ESR1: variants seen among roughly 807,000 people sequenced by gnomAD.
The protein encoded by ESR1 is estrogen receptor.
Under a neutral mutation model 52.7 loss-of-function variants are expected in ESR1, and 12 were observed. That is an observed-to-expected ratio of 0.23 (90% CI 0.15 to 0.37). ESR1 has a LOEUF of 0.37. Among genes scored for constraint, ESR1 ranks in the 10% least tolerant of loss-of-function variants. The probability of loss-of-function intolerance (pLI) is 1.00; values close to 1 mark genes in which losing one functional copy is unlikely to be tolerated. For synonymous variants in ESR1, 305 were observed against 316.8 expected (o/e 0.96, Z 0.39); for missense variants, 584 against 779.7 (o/e 0.75, Z 2.99).
rs541443533 is a variant in ESR1 at position 151,707,800 on chromosome 6, C to T, written c.-71+5795C>T. 3.3e-5 allele frequency among the ~76,000 whole-genome samples: 5 copies of T among 152,094 alleles called. No homozygotes were observed. The South Asian group carries it at 1.0e-3, about 32-fold the overall frequency. Reference sequence around the variant, plus strand: ...TCCAAGCAAAAATTTTTCAAAATCCCATCTAGAAATCAAATCATGATTTTA... The same window carrying T: ...TCCAAGCAAAAATTTTTCAAAATCCTATCTAGAAATCAAATCATGATTTTA... On this transcript the variant is annotated intron_variant, in intron 2 of 2. Coordinates refer to the ESR1 transcript ENST00000404742.
intron 4 of ESR1, among the ~76,000 whole-genome samples, chr6:152,010,878 C>T (rs550631857): frequency 2.0e-5 from 3 of 150,342 alleles, no homozygotes; most frequent in East Asian, 4.1e-4. Flanking sequence ...TTCTCCTCCT[C>T]CTTCTCCTTC....
At chr6:152,042,244 T>C (rs1308005252) in intron 5 of ESR1, among the ~76,000 whole-genome samples, 1 of 152,172 alleles carries the variant, frequency 6.6e-6, no homozygotes, top group Non-Finnish European at 1.5e-5. Flanking sequence ...CTGCTAAATA[T>C]GTCTATGCCA....
intron 6 of ESR1, among the ~76,000 whole-genome samples, chr6:152,124,408 A>T (rs1027946365): frequency 3.9e-5 from 6 of 152,234 alleles, no homozygotes; most frequent in African/African-American, 1.4e-4. Flanking sequence ...TCACTGGTTT[A>T]AATTGGAAGC....
intron 5 of ESR1, among the ~76,000 whole-genome samples, chr6:152,018,646 G>A (rs774385011): frequency 8.5e-5 from 13 of 152,048 alleles, no homozygotes; most frequent in Admixed American, 3.9e-4. Context: ...GATCCTTTCA[G>A]CAAAGTCAGT....
At chr6:151,830,143 T>C (rs1345442309) in intron 1 of ESR1, among the ~76,000 whole-genome samples, 1 of 152,228 alleles carries the variant, frequency 6.6e-6, no homozygotes, top group African/African-American at 2.4e-5. Context: ...TGGAGTTCTG[T>C]ACTTTTGTGT....
chr6:152,003,340 A>ATGTGTGTGTGTGTGTGTG, intron 4 of ESR1, among the ~76,000 whole-genome samples: 1 of 145,644 alleles, frequency 6.9e-6, no homozygotes, highest in East Asian at 2.0e-4. Flanking sequence ...AAGGGTAATT[A>ATGTGTGTGTGTGTGTGTG]TGTGTGTGTG....
At chr6:151,908,305 G>T (rs1320259423) in intron 3 of ESR1, among the ~76,000 whole-genome samples, 2 of 151,950 alleles carry the variant, frequency 1.3e-5, no homozygotes, top group Admixed American at 1.3e-4. Context: ...TTTAATACCT[G>T]TGTGTATTAT....
intron 1 of ESR1, among the ~76,000 whole-genome samples, chr6:151,681,011 C>T (rs1039610482): frequency 6.6e-6 from 1 of 152,150 alleles, no homozygotes; most frequent in African/African-American, 2.4e-5. Context: ...TGCTGCTTGG[C>T]CTCCTTACCT....
At chr6:151,819,228 G>C (rs566686809) in intron 1 of ESR1, among the ~76,000 whole-genome samples, 4 of 152,066 alleles carry the variant, frequency 2.6e-5, no homozygotes, top group African/African-American at 7.2e-5. Context: ...ACCTTTTCCC[G>C]GTACCTTTAC....
At chr6:152,086,553 T>G (rs2049738754) in intron 6 of ESR1, among the ~76,000 whole-genome samples, 1 of 151,290 alleles carries the variant, frequency 6.6e-6, no homozygotes, top group Admixed American at 6.6e-5. Context: ...TCAAGTCAAC[T>G]GAACCAGTTC....
chr6:151,740,285 A>ATTTTTTTTTTTTTT (rs386408967), intron 2 of ESR1, among the ~76,000 whole-genome samples: 7 of 108,008 alleles, frequency 6.5e-5, no homozygotes, highest in African/African-American at 1.4e-4. Flanking sequence ...TGCCTGGCTA[A>ATTTTTTTTTTTTTT]TTTTTTTTTT....
chr6:151,703,665 T>C (rs963299240), intron 2 of ESR1, among the ~76,000 whole-genome samples: 2 of 152,156 alleles, frequency 1.3e-5, no homozygotes, highest in African/African-American at 4.8e-5. Flanking sequence ...GATTTTAATA[T>C]AGAAACGAGT....
In ESR1 at chr6:151,808,466, G is replaced by T. The variant is rs1015467559; in HGVS notation, c.452+102G>T. On this transcript the variant is annotated intron_variant, in intron 1 of 7. Coordinates refer to ENST00000206249, the MANE Select transcript of ESR1 (RefSeq NM_000125.4). The stretch of plus-strand genomic sequence containing the variant: ...GAGCCTAGGGAGCTGCGGGAGCCGC[G>T]GGACGCGCGACCCGAGGGTGCGCGC... 5 of 1,108,852 alleles carry T rather than the reference G, an allele frequency of 4.5e-6. No individual in the cohort carries two copies. In the African/African-American group the frequency reaches 5.0e-5, roughly 11 times the overall value. The allele number at this position is 1,108,852 out of a possible 1,614,324, so 68.7% of individuals were successfully genotyped here.
chr6:151,724,005 G>T (rs1378916359), intron 2 of ESR1, among the ~76,000 whole-genome samples: 2 of 152,128 alleles, frequency 1.3e-5, no homozygotes, highest in Non-Finnish European at 2.9e-5. Context: ...GCAAGCTGGA[G>T]TAATACTGGA....
At chr6:151,742,814 AATCAAT>A (rs1247791477) in intron 2 of ESR1, among the ~76,000 whole-genome samples, 1 of 152,228 alleles carries the variant, frequency 6.6e-6, no homozygotes, top group Non-Finnish European at 1.5e-5. Context: ...GCAGGCATTC[AATCAAT>A]ATTTTTGAGG....
chr6:151,970,355 A>G (rs79307975), intron 4 of ESR1, among the ~76,000 whole-genome samples: 9,666 of 152,042 alleles, frequency 0.064, 601 homozygotes, highest in African/African-American at 0.15. Context: ...TTCTATTGCA[A>G]CTTCCAGGTG....
chr6:151,669,414 C>T (rs953251608), intron 1 of ESR1, among the ~76,000 whole-genome samples: 4 of 152,000 alleles, frequency 2.6e-5, no homozygotes, highest in South Asian at 2.1e-4. Context: ...ACAATGATGT[C>T]CTCGAGAAAC....
At chr6:151,758,200 G>T (rs1388729607) in intron 2 of ESR1, among the ~76,000 whole-genome samples, 6 of 152,172 alleles carry the variant, frequency 3.9e-5, no homozygotes, top group Non-Finnish European at 8.8e-5. Context: ...CCAAATAGAG[G>T]TAGCAAAATG....
chr6:151,794,203 C>T (rs1776472334), intron 2 of ESR1, among the ~76,000 whole-genome samples: 1 of 152,094 alleles, frequency 6.6e-6, no homozygotes, highest in African/African-American at 2.4e-5. Flanking sequence ...AATATAAGAC[C>T]TTTTCTTTCC....
Sources: allele counts gnomAD v4.1 joint callset (sites outside exome capture counted in the v4.1 genomes callset), GRCh38; gene constraint gnomAD v4.1.1; transcripts MANE v1.5; gene names NCBI Gene and HGNC (gene_info 2026-07-23, HGNC 2026-07-21).